Variants in FAM3D observed in about 807,000 individuals in gnomAD.
The protein encoded by FAM3D is protein FAM3D.
In FAM3D, 26 loss-of-function variants were observed where a neutral mutation model predicts 29.8. The ratio of observed to expected loss-of-function variants is 0.87; its 90% confidence interval spans 0.64 to 1.21. FAM3D has a LOEUF of 1.21. Among genes scored for constraint, FAM3D ranks in the 50% most tolerant of loss-of-function variants. FAM3D has a pLI of 0.00. For missense variants in FAM3D, 253 were observed against 290.9 expected (o/e 0.87, Z 0.95); for synonymous variants, 115 against 102.3 (o/e 1.12, Z -0.75).
intron 1 of FAM3D, among the ~76,000 whole-genome samples, chr3:58,664,829 GCACCTGC>G (rs1294089047): frequency 6.6e-6 from 1 of 152,216 alleles, no homozygotes; most frequent in African/African-American, 2.4e-5. Flanking sequence ...CCGCTCCAGG[GCACCTGC>G]CCTCTGGGAC....
At chr3:58,646,855 C>T (rs1339359744) in intron 4 of FAM3D, among the ~76,000 whole-genome samples, 1 of 152,328 alleles carries the variant, frequency 6.6e-6, no homozygotes, top group East Asian at 1.9e-4. Context: ...AGTGGGTAGT[C>T]TTCACTGCAT....
intron 3 of FAM3D, 82 bp from the exon 4 acceptor site, chr3:58,649,420 G>A: frequency 6.5e-7 from 1 of 1,548,068 alleles, no homozygotes; most frequent in Non-Finnish European, 8.9e-7. Flanking sequence ...GGGGGCTGGG[G>A]AGTGGGAATA....
At chr3:58,659,993 T>C (rs574073401) in intron 1 of FAM3D, among the ~76,000 whole-genome samples, 101 of 152,302 alleles carry the variant, frequency 6.6e-4, no homozygotes, top group Admixed American at 2.7e-3. Context: ...TCAGGCTCCT[T>C]TCTGCTCCAC....
At chr3:58,650,946 T>C (rs972986897) in intron 3 of FAM3D, among the ~76,000 whole-genome samples, 1 of 151,984 alleles carries the variant, frequency 6.6e-6, no homozygotes, top group Admixed American at 6.6e-5. Context: ...CTCCATCTCC[T>C]GACCTCGTGA....
At chr3:58,658,176 G>A (rs1311279416) in intron 1 of FAM3D, among the ~76,000 whole-genome samples, 1 of 152,182 alleles carries the variant, frequency 6.6e-6, no homozygotes, top group Admixed American at 6.6e-5. Flanking sequence ...CTGACTGCAG[G>A]TCAGCCGTGT....
rs763829080 is a variant in FAM3D, at chr3:58,636,396, G to T, written c.483C>A (p.Leu161=). 18 of 1,614,210 alleles carry T rather than the reference G, an allele frequency of 1.1e-5. No individual in the cohort carries two copies. The Admixed American group carries it at 1.3e-4, about 12-fold the overall frequency. The stretch of plus-strand genomic sequence containing the variant: ...CGTAGGAACTCCCCAAGTCAGAGAA[G>T]AGTTTCCTGCTTTCATCGTTCATTC... ...GTKMNDESRK[L]FSDLGSSYAK... Residue 161 remains leucine (L), a synonymous_variant, in exon 9 of 10, where the codon CTC becomes CTA. Transcript: ENST00000358781.
chr3:58,640,901 G>C (rs750996095), intron 6 of FAM3D, among the ~76,000 whole-genome samples: 1 of 152,256 alleles, frequency 6.6e-6, no homozygotes, highest in Non-Finnish European at 1.5e-5. Flanking sequence ...GGCTCGCTTA[G>C]CAGCCCCTCC....
rs1339091158 is a variant in FAM3D at position 58,637,163 on chromosome 3, A to C, written c.436T>G (p.Ser146Ala). Reference protein sequence around the residue: ...IPGGALVLVASYDDPGTKMND... With the variant: ...IPGGALVLVAAYDDPGTKMND... Reference sequence around the variant, plus strand: ...TACTTGGTCCCTGGATCGTCGTAGGAGGCCACCAGCACCAGTGCACCCCCC... The same window carrying C: ...TACTTGGTCCCTGGATCGTCGTAGGCGGCCACCAGCACCAGTGCACCCCCC... The change falls in exon 8 of 10, where the codon TCC becomes GCC. Residue 146 changes from serine (S) to alanine (A), a missense_variant. Transcript: ENST00000358781. 1 of 1,613,904 alleles carries C rather than the reference A, an allele frequency of 6.2e-7. No individual in the cohort carries two copies. The highest frequency in any genetic ancestry group is 8.5e-7 in the Non-Finnish European group (1 of 1,179,978).
chr3:58,634,764 T>C lies in FAM3D; in HGVS notation c.586-396A>G, dbSNP rs2066114593. ...ATGTATTTAATCTGCACAGTGGCCC[T>C]AGGGAGTGTGCACTGTTTACATCCC... is the stretch of plus-strand genomic sequence containing the variant. On this transcript the variant is annotated intron_variant, in intron 9 of 9. Coordinates refer to ENST00000358781, the MANE Select transcript of FAM3D (RefSeq NM_138805.3). This position sits in a 1 kb window ranked among gnomAD's most constrained non-coding sequence, Gnocchi z 4.6. Among the ~76,000 whole-genome samples, 1 of 152,172 alleles carries C rather than the reference T, an allele frequency of 6.6e-6. No individual in the cohort carries two copies. The highest frequency in any genetic ancestry group is 1.5e-5 in the Non-Finnish European group (1 of 68,020).
chr3:58,642,497 C>T (rs1265307714), intron 6 of FAM3D, among the ~76,000 whole-genome samples: 1 of 152,182 alleles, frequency 6.6e-6, no homozygotes, highest in African/African-American at 2.4e-5. Context: ...TGACCTTTGT[C>T]CCAGAAGTGG....
intron 3 of FAM3D, 63 bp downstream of exon 3, chr3:58,653,611 A>AAT: frequency 6.8e-7 from 1 of 1,464,708 alleles, no homozygotes; most frequent in Non-Finnish European, 9.5e-7. Context: ...TGGAGGGAAG[A>AAT]ATATGTCTTC....
intron 3 of FAM3D, among the ~76,000 whole-genome samples, chr3:58,650,417 C>G (rs182898860): frequency 0.021 from 3,128 of 151,004 alleles, 99 homozygotes; most frequent in East Asian, 0.11. Context: ...GAGGGAGAGA[C>G]AGAGAGAGAG....
At chr3:58,665,646 C>A (rs1352484399) in intron 1 of FAM3D, among the ~76,000 whole-genome samples, 15 of 152,154 alleles carry the variant, frequency 9.9e-5, no homozygotes, top group Admixed American at 9.8e-4. Context: ...GACTCAGAAT[C>A]CACTGCAGTG....
chr3:58,660,743 C>G (rs978084261), intron 1 of FAM3D, among the ~76,000 whole-genome samples: 1 of 152,276 alleles, frequency 6.6e-6, no homozygotes, highest in South Asian at 2.1e-4. Context: ...TTTTACTCCT[C>G]AAGTTCCTAG....
chr3:58,639,697 G>T (rs1465473394), intron 7 of FAM3D, among the ~76,000 whole-genome samples: 1 of 152,176 alleles, frequency 6.6e-6, no homozygotes, highest in African/African-American at 2.4e-5. Context: ...TGGGGGTGGG[G>T]CACACCTGGT....
rs995781550 is a variant in FAM3D at position 58,635,318 on chromosome 3, G to A, written c.586-950C>T. Among the ~76,000 whole-genome samples, 12 of 152,140 alleles carry A rather than the reference G, an allele frequency of 7.9e-5. No homozygotes were observed. Among genetic ancestry groups the A allele is most frequent in the Admixed American group, 6.5e-4 (10 of 15,288 alleles). On this transcript the variant is annotated intron_variant, in intron 9 of 9. Transcript: ENST00000358781. This position sits in a 1 kb window ranked among gnomAD's most constrained non-coding sequence, Gnocchi z 5.2. ...TGGAATCATTGTGGCTGACTCTCAG[G>A]AATTAAAAAAGAGATTCTAGATGCT...
rs2066174115 is a variant in FAM3D at position 58,636,429 on chromosome 3, G to T, written c.459-9C>A. 6.2e-7 allele frequency: 1 copy of T among 1,613,898 alleles called. No individual in the cohort carries two copies. Among genetic ancestry groups the T allele is most frequent in the Non-Finnish European group, 8.5e-7 (1 of 1,179,906 alleles). ...TGCTTTCATCGTTCATTCTGCAGAG[G>T]ACCAGAGAGGATGGTCAGGATGCGG... On this transcript the variant is annotated splice_polypyrimidine_tract_variant and intron_variant, in intron 8 of 9. Coordinates refer to ENST00000358781, the MANE Select transcript of FAM3D (RefSeq NM_138805.3).
chr3:58,656,917 C>T (rs2066820071), intron 1 of FAM3D, among the ~76,000 whole-genome samples: 1 of 152,148 alleles, frequency 6.6e-6, no homozygotes, highest in African/African-American at 2.4e-5. Context: ...GCAACAATAA[C>T]AGCAACAGCA....
chr3:58,656,489 G>C (rs2066804480), intron 1 of FAM3D, among the ~76,000 whole-genome samples: 1 of 151,696 alleles, frequency 6.6e-6, no homozygotes, highest in Non-Finnish European at 1.5e-5. Flanking sequence ...GAGCAGGGCA[G>C]GGTCATCTTT....
Sources: gnomAD v4.1 joint callset for allele counts (sites outside exome capture counted in the v4.1 genomes callset) on GRCh38, gnomAD v4.1.1 for gene constraint, Gnocchi (gnomAD v3.1) non-coding constraint, MANE v1.5 for transcripts, NCBI Gene and HGNC (gene_info 2026-07-23, HGNC 2026-07-21) for gene names.